OSBPL9: variants seen among roughly 807,000 people sequenced by gnomAD.
The protein encoded by OSBPL9 is oxysterol-binding protein-related protein 9.
OSBPL9 carries 40 observed loss-of-function variants against 106.6 expected under a neutral mutation model. The observed-to-expected ratio is 0.38, with a 90% confidence interval of 0.29 to 0.49. OSBPL9 has a LOEUF of 0.49. OSBPL9 is among the 20% of genes least tolerant of loss of function. OSBPL9 has a pLI of 0.97. For synonymous variants in OSBPL9, 269 were observed against 295.4 expected, an observed-to-expected ratio of 0.91 and a Z score of 0.92; for missense variants, 609 against 887.2, an observed-to-expected ratio of 0.69 and a Z score of 3.98.
chr1:51,649,548 C>G (rs1646378960), intron 1 of OSBPL9, among the ~76,000 whole-genome samples: 1 of 152,124 alleles, frequency 6.6e-6, no homozygotes, highest in South Asian at 2.1e-4. Flanking sequence ...GGCCTTTCCC[C>G]CACTACCTTC....
chr1:51,761,446 TAGTA>T (rs1671485165), intron 10 of OSBPL9, among the ~76,000 whole-genome samples: 1 of 152,354 alleles, frequency 6.6e-6, no homozygotes, highest in East Asian at 1.9e-4. Context: ...TTAAAAGTAC[TAGTA>T]AGTATGTGAA....
At chr1:51,658,541 C>T (rs1646953867) in intron 2 of OSBPL9, among the ~76,000 whole-genome samples, 1 of 152,102 alleles carries the variant, frequency 6.6e-6, no homozygotes. Context: ...TTTAGAGTGA[C>T]CCTCTTTTAC....
chr1:51,722,086 G>C (rs997823447), intron 4 of OSBPL9, among the ~76,000 whole-genome samples: 1 of 152,184 alleles, frequency 6.6e-6, no homozygotes, highest in Non-Finnish European at 1.5e-5. Context: ...CACTTTGAGA[G>C]GCCAAGGCAG....
At chr1:51,562,726 T>C in the OSBPL9 span, among the ~76,000 whole-genome samples, 91 of 152,324 alleles carry the variant, frequency 6.0e-4, no homozygotes, top group Non-Finnish European at 1.1e-3. Context: ...AAAGAAAATG[T>C]AGCTTCTCAG....
At chr1:51,678,431 C>T (rs1275832841) in intron 3 of OSBPL9, among the ~76,000 whole-genome samples, 1 of 152,022 alleles carries the variant, frequency 6.6e-6, no homozygotes, top group Non-Finnish European at 1.5e-5. Context: ...GAGGCCAAGG[C>T]GGGCGGATCA....
chr1:51,651,242 G>A (rs1646498969), intron 1 of OSBPL9, among the ~76,000 whole-genome samples: 1 of 152,106 alleles, frequency 6.6e-6, no homozygotes, highest in Admixed American at 6.5e-5. Flanking sequence ...ACCCATTTGG[G>A]GAATTGCAGA....
At chr1:51,740,355 G>C in intron 4 of OSBPL9, 1 of 1,058,416 alleles carries the variant, frequency 9.4e-7, no homozygotes, top group African/African-American at 1.7e-5. Context: ...TTCCTGCTAA[G>C]TTTTCATTAG....
intron 20 of OSBPL9, chr1:51,785,131 TG>T (rs1056781090): frequency 6.4e-6 from 1 of 157,218 alleles, no homozygotes; most frequent in African/African-American, 2.4e-5. Flanking sequence ...AACCCTTAAC[TG>T]GGGGGGAAGG....
At chr1:51,724,180 A>G (rs891890952) in intron 4 of OSBPL9, among the ~76,000 whole-genome samples, 2 of 151,520 alleles carry the variant, frequency 1.3e-5, no homozygotes, top group Non-Finnish European at 2.9e-5. Context: ...TCCTGACCTT[A>G]AGTGATTCAC....
intron 22 of OSBPL9, 132 bp downstream of exon 22, chr1:51,786,749 G>A (rs140749613): frequency 3.2e-4 from 210 of 651,292 alleles, no homozygotes; most frequent in Non-Finnish European, 4.5e-4. Context: ...TCCTGGGTTC[G>A]TATGTCAGAA....
chr1:51,532,818 G>A, the OSBPL9 span, among the ~76,000 whole-genome samples: 2 of 152,116 alleles, frequency 1.3e-5, no homozygotes, highest in Admixed American at 6.6e-5. Flanking sequence ...AGATAGTTGA[G>A]GAATGGTGAA....
At chr1:51,701,607 T>C (rs1279906307) in intron 3 of OSBPL9, among the ~76,000 whole-genome samples, 2 of 152,188 alleles carry the variant, frequency 1.3e-5, no homozygotes, top group Non-Finnish European at 2.9e-5. Flanking sequence ...TTCTTTTTTT[T>C]TGGCCTATCC....
intron 3 of OSBPL9, among the ~76,000 whole-genome samples, chr1:51,703,603 T>G (rs1395358860): frequency 6.6e-6 from 1 of 152,196 alleles, no homozygotes; most frequent in Non-Finnish European, 1.5e-5. Flanking sequence ...CAATTTGACT[T>G]CTTCTCTTCC....
intron 1 of OSBPL9, among the ~76,000 whole-genome samples, chr1:51,640,958 AAATT>A (rs1645755813): frequency 6.6e-6 from 1 of 151,478 alleles, no homozygotes; most frequent in African/African-American, 2.4e-5. Flanking sequence ...TAATTAAAAA[AAATT>A]TTTTTTTTTA....
At chr1:51,588,072 A>G (rs1374486117) in intron 1 of OSBPL9, among the ~76,000 whole-genome samples, 2 of 152,244 alleles carry the variant, frequency 1.3e-5, no homozygotes, top group Non-Finnish European at 2.9e-5. Context: ...TGAGAAATTC[A>G]GTAAAATTAT....
intron 2 of OSBPL9, among the ~76,000 whole-genome samples, chr1:51,600,671 T>C (rs1046934566): frequency 8.5e-5 from 13 of 152,212 alleles, no homozygotes; most frequent in African/African-American, 2.9e-4. Context: ...CATCTAGTTC[T>C]CATTTCCCTC....
At chr1:51,784,399 CCTCTT>C (rs1280887014) in intron 19 of OSBPL9, 38 bp from the exon 20 acceptor site, 3 of 1,612,746 alleles carry the variant, frequency 1.9e-6, no homozygotes, top group Admixed American at 3.3e-5. Flanking sequence ...TCCCCCTCTT[CCTCTT>C]AACTGTCAAC....
At chr1:51,770,817 G>A (rs1023184740) in intron 12 of OSBPL9, among the ~76,000 whole-genome samples, 1 of 152,160 alleles carries the variant, frequency 6.6e-6, no homozygotes. Flanking sequence ...ATATTCTAGT[G>A]TTCTAATACA....
At chr1:51,712,340 G>A (rs987632761) in intron 3 of OSBPL9, among the ~76,000 whole-genome samples, 2 of 152,244 alleles carry the variant, frequency 1.3e-5, no homozygotes, top group Non-Finnish European at 2.9e-5. Context: ...GCAGTGAGCC[G>A]AGATGGCAGC....
Sources: allele counts gnomAD v4.1 joint callset (sites outside exome capture counted in the v4.1 genomes callset), GRCh38; gene constraint gnomAD v4.1.1; transcripts MANE v1.5; gene names NCBI Gene and HGNC (gene_info 2026-07-23, HGNC 2026-07-21).